The following FBXO17 variants were observed in gnomAD, a reference collection of about 807,000 sequenced individuals.
The protein encoded by FBXO17 is F-box only protein 17.
A neutral mutation model predicts 34.1 loss-of-function variants in FBXO17; 43 were observed. The observed-to-expected ratio is 1.26, with a 90% confidence interval of 0.99 to 1.62. The LOEUF is 1.62. FBXO17 is among the 40% of genes most tolerant of loss of function. The pLI, the probability that FBXO17 is intolerant of heterozygous loss-of-function variation, is 0.00. For missense variants in FBXO17, 424 were observed against 386.7 expected (o/e 1.10, Z -0.81); for synonymous variants, 169 against 166.0 (o/e 1.02, Z -0.14).
intron 4 of FBXO17, 109 bp downstream of exon 4, chr19:38,946,363 C>T: frequency 1.3e-6 from 2 of 1,525,684 alleles, no homozygotes; most frequent in South Asian, 2.5e-5. Context: ...AAAGGGTGCA[C>T]AGTGACAGCC....
chr19:38,950,383 C>T lies in FBXO17; in HGVS notation c.-17-47G>A, dbSNP rs1034942367. On this transcript the variant is annotated intron_variant, in intron 1 of 5. Transcript: ENST00000292852. ...TAGGCGGGTCAGCGCAGCCAGGCCACCCCCTCCCTACCTTGTCCCCCAGGG... is the reference window on the plus strand; with the variant it reads ...TAGGCGGGTCAGCGCAGCCAGGCCATCCCCTCCCTACCTTGTCCCCCAGGG... The T allele has an allele frequency of 2.9e-6, 4 of 1,391,338 alleles. No homozygotes were observed. In the African/African-American group the frequency reaches 6.1e-5, roughly 21 times the overall value. The allele number at this position is 1,391,338 out of a possible 1,614,324, so 86.2% of individuals were successfully genotyped here. A position where few individuals can be genotyped will look rare whatever the true frequency, so the allele number is the denominator to read the frequency against.
chr19:38,957,471 G>GA (rs1975182577), intron 1 of FBXO17, among the ~76,000 whole-genome samples: 1 of 151,986 alleles, frequency 6.6e-6, no homozygotes, highest in African/African-American at 2.4e-5. Flanking sequence ...TCAGCCTCCC[G>GA]GGTAGCTGGG....
chr19:38,948,809 C>T (rs868837450), intron 2 of FBXO17, 131 bp from the exon 3 acceptor site: 28 of 692,210 alleles, frequency 4.0e-5, no homozygotes, highest in Middle Eastern at 2.6e-4. Context: ...TTTCTCCTAC[C>T]GACTCCTCCT....
At chr19:38,956,670 C>T (rs1278823674) in intron 1 of FBXO17, among the ~76,000 whole-genome samples, 1 of 152,028 alleles carries the variant, frequency 6.6e-6, no homozygotes, top group Non-Finnish European at 1.5e-5. Flanking sequence ...CACTTGAGGT[C>T]AGGAGTTCAA....
intron 5 of FBXO17, among the ~76,000 whole-genome samples, chr19:38,943,376 C>T (rs1322486438): frequency 4.0e-5 from 6 of 148,782 alleles, no homozygotes; most frequent in Admixed American, 6.8e-5. Flanking sequence ...CAGGTTCAAG[C>T]GATTCTCCTG....
Position 38,949,974 on chromosome 19 carries a change from C to T in FBXO17, c.346G>A (p.Glu116Lys), listed in dbSNP as rs751710358. Residue 116 changes from glutamate (E) to lysine (K), a missense_variant, in exon 2 of 6, where the codon GAG becomes AAG. Glu to Lys is a moderately conservative substitution (Grantham distance 56). Coordinates refer to ENST00000292852, the MANE Select transcript of FBXO17 (RefSeq NM_024907.7). The stretch of plus-strand genomic sequence containing the variant: ...GGGCCCCGCCCCCGTCACCCACGCT[C>T]TCCGCAGGAGTTGAAGATGAGATTG... The part of the protein sequence containing the change: ...GRNLIFNSCG[E>K]QGFRGWEVEH... 9.1e-6 allele frequency: 14 copies of T among 1,538,522 alleles called. No homozygotes were observed. In the Admixed American group the frequency reaches 2.4e-4, roughly 26 times the overall value.
intron 5 of FBXO17, 106 bp from the exon 6 acceptor site, chr19:38,942,857 G>A: frequency 7.3e-7 from 1 of 1,375,292 alleles, no homozygotes; most frequent in Non-Finnish European, 9.8e-7. Flanking sequence ...TCCTGCGCTA[G>A]TTTGCTGGGG....
At chr19:38,946,638 C>A (rs1253360637) in intron 3 of FBXO17, 71 bp from the exon 4 acceptor site, 3 of 1,583,176 alleles carry the variant, frequency 1.9e-6, no homozygotes, top group Non-Finnish European at 2.6e-6. Flanking sequence ...AAGCCACCTC[C>A]TCCAAGAAGT....
chr19:38,973,851 C>T (rs887501171), intron 1 of FBXO17, among the ~76,000 whole-genome samples: 4 of 150,656 alleles, frequency 2.7e-5, no homozygotes, highest in Non-Finnish European at 4.4e-5. Context: ...GGTGGGGGGG[C>T]GTGCACCTGT....
intron 5 of FBXO17, among the ~76,000 whole-genome samples, chr19:38,943,161 G>A (rs1251151616): frequency 6.6e-6 from 1 of 152,036 alleles, no homozygotes; most frequent in Non-Finnish European, 1.5e-5. Context: ...TAAGAGAGGG[G>A]TCAGGGAGGT....
At chr19:38,944,149 C>T (rs967971540) in intron 5 of FBXO17, among the ~76,000 whole-genome samples, 2 of 152,134 alleles carry the variant, frequency 1.3e-5, no homozygotes, top group African/African-American at 2.4e-5. Context: ...ATCCACGTTG[C>T]AGTGTGAATT....
intron 1 of FBXO17, among the ~76,000 whole-genome samples, chr19:38,957,150 G>A (rs1209672533): frequency 1.3e-5 from 2 of 151,988 alleles, no homozygotes; most frequent in African/African-American, 4.8e-5. Context: ...CCCGCGAGGT[G>A]GAGGTTGCAG....
intron 5 of FBXO17, 108 bp from the exon 6 acceptor site, chr19:38,942,859 T>G (rs57290038): frequency 0.65 from 896,636 of 1,372,248 alleles, 298,581 homozygotes; most frequent in East Asian, 0.96. Flanking sequence ...CTGCGCTAGT[T>G]TGCTGGGGAC....
chr19:38,974,331 G>A (rs1975433706), intron 1 of FBXO17, among the ~76,000 whole-genome samples: 1 of 151,992 alleles, frequency 6.6e-6, no homozygotes, highest in Admixed American at 6.6e-5. Context: ...GCCCGCCTCG[G>A]CCTCCCAGAG....
rs758633019 is a variant in FBXO17, at chr19:38,948,689, A to T, written c.350-11T>A. ...AGCCTCTGAAGCCCTCTGTGGGAAAACAAGAGTTGAACATATGGTTCACCT... is the reference window on the plus strand; with the variant it reads ...AGCCTCTGAAGCCCTCTGTGGGAAATCAAGAGTTGAACATATGGTTCACCT... On this transcript the variant is annotated splice_polypyrimidine_tract_variant and intron_variant, in intron 2 of 5. Transcript: ENST00000292852. The T allele has an allele frequency of 6.2e-7, 1 of 1,612,342 alleles. No homozygotes were observed. The highest frequency in any genetic ancestry group is 8.5e-7 in the Non-Finnish European group (1 of 1,178,970).
At chr19:38,944,282 T>TTATTATTATTATTATTA (rs1974939187) in intron 5 of FBXO17, among the ~76,000 whole-genome samples, 1 of 146,482 alleles carries the variant, frequency 6.8e-6, no homozygotes, top group Admixed American at 6.9e-5. Context: ...ATTATTATTA[T>TTATTATTATTATTATTA]TTTTAGTTAG....
At chr19:38,961,660 T>G (rs879043503) in intron 1 of FBXO17, among the ~76,000 whole-genome samples, 4 of 108,318 alleles carry the variant, frequency 3.7e-5, no homozygotes, top group African/African-American at 1.0e-4. Flanking sequence ...TACTATTCTG[T>G]TTTGTTTTGT....
chr19:38,966,221 C>T (rs902573042), intron 1 of FBXO17, among the ~76,000 whole-genome samples: 4 of 151,044 alleles, frequency 2.6e-5, no homozygotes, highest in East Asian at 1.9e-4. Flanking sequence ...CCACCCACCT[C>T]GGCTTCCCAA....
chr19:38,960,800 A>AC (rs1477028574), intron 1 of FBXO17, among the ~76,000 whole-genome samples: 1 of 110,258 alleles, frequency 9.1e-6, no homozygotes, highest in Non-Finnish European at 1.7e-5. Context: ...GAGCCCCTGC[A>AC]CCCGGCCACT....
Sources: gnomAD v4.1 joint callset for allele counts (sites outside exome capture counted in the v4.1 genomes callset) on GRCh38, gnomAD v4.1.1 for gene constraint, MANE v1.5 for transcripts, NCBI Gene and HGNC (gene_info 2026-07-23, HGNC 2026-07-21) for gene names.